Variants in DCBLD1 observed in about 807,000 individuals in gnomAD.
DCBLD1 encodes discoidin, CUB and LCCL domain containing 1.
A neutral mutation model predicts 71.5 loss-of-function variants in DCBLD1; 57 were observed. The ratio of observed to expected loss-of-function variants is 0.80; its 90% CI spans 0.64 to 0.99. The LOEUF is 0.99. DCBLD1 is among the 50% of genes least tolerant of loss of function. The probability of loss-of-function intolerance (pLI) is 0.00; values close to 1 mark genes in which losing one functional copy is unlikely to be tolerated. For synonymous variants in DCBLD1, 380 were observed against 363.8 expected, an observed-to-expected ratio of 1.04 and a Z score of -0.51; for missense variants, 891 against 923.5, an observed-to-expected ratio of 0.96 and a Z score of 0.46.
At chr6:117,563,988 T>A (rs1779642607) in intron 14 of DCBLD1, among the ~76,000 whole-genome samples, 1 of 151,482 alleles carries the variant, frequency 6.6e-6, no homozygotes, top group Non-Finnish European at 1.5e-5. Flanking sequence ...TTTTTCTTTT[T>A]TTTTTCTGAG....
At chr6:117,494,689 TAAC>T (rs1179691112) in intron 1 of DCBLD1, 1 of 152,146 alleles carries the variant, frequency 6.6e-6, no homozygotes, top group Non-Finnish European at 1.5e-5. Context: ...TGTAACTTAA[TAAC>T]AACAGTGAGA....
At position 117,549,621 on chromosome 6, in the gene DCBLD1, A is replaced by G. The variant is rs1013264865; in HGVS notation, c.*1182A>G. ...AATTTTTTTCCCTGAAGAATGTATT[A>G]TAACCCTATTTGTGTGGTTATTACA... On this transcript the variant is annotated 3_prime_UTR_variant, in exon 15 of 15. Transcript: ENST00000338728. 1.0e-6 allele frequency: 1 copy of G among 985,294 alleles called. No individual in the cohort carries two copies. Among genetic ancestry groups the G allele is most frequent in the Non-Finnish European group, 1.2e-6 (1 of 829,942 alleles). 61.0% of individuals were successfully genotyped at this position (985,294 alleles called of 1,614,324 possible).
intron 14 of DCBLD1, among the ~76,000 whole-genome samples, chr6:117,567,673 T>C (rs1427275117): frequency 1.3e-5 from 2 of 152,030 alleles, no homozygotes; most frequent in Non-Finnish European, 2.9e-5. Flanking sequence ...ATATTTACTA[T>C]AAATTATAGC....
intron 1 of DCBLD1, among the ~76,000 whole-genome samples, chr6:117,499,311 G>A (rs369371508): frequency 9.9e-5 from 15 of 151,486 alleles, no homozygotes; most frequent in African/African-American, 2.4e-4. Context: ...GGAGGCTGAC[G>A]TGGGAAGATT....
At chr6:117,506,460 T>G (rs1428553945) in intron 2 of DCBLD1, among the ~76,000 whole-genome samples, 1 of 152,248 alleles carries the variant, frequency 6.6e-6, no homozygotes, top group African/African-American at 2.4e-5. Context: ...TATTTTTGAT[T>G]GAGGATGTGC....
chr6:117,531,726 T>G (rs1778726564), intron 5 of DCBLD1, among the ~76,000 whole-genome samples: 1 of 152,232 alleles, frequency 6.6e-6, no homozygotes, highest in Non-Finnish European at 1.5e-5. Flanking sequence ...TTTGGTACCT[T>G]GATAAATCTC....
At chr6:117,515,037 T>TTTA (rs1778146371) in intron 2 of DCBLD1, among the ~76,000 whole-genome samples, 1 of 150,582 alleles carries the variant, frequency 6.6e-6, no homozygotes, top group Non-Finnish European at 1.5e-5. Context: ...TTTTTTTTTT[T>TTTA]GAGACGGAGT....
chr6:117,534,791 A>G (rs1297690078), intron 6 of DCBLD1, among the ~76,000 whole-genome samples: 1 of 151,036 alleles, frequency 6.6e-6, no homozygotes, highest in African/African-American at 2.4e-5. Context: ...ATTTTATATA[A>G]TTTGACGTTA....
chr6:117,511,592 G>A (rs571473842), intron 2 of DCBLD1, among the ~76,000 whole-genome samples: 6 of 152,186 alleles, frequency 3.9e-5, no homozygotes, highest in African/African-American at 1.4e-4. Flanking sequence ...GAAATAATGC[G>A]AAGTGGTTAG....
At chr6:117,545,347 C>A in intron 13 of DCBLD1, 131 bp from the exon 14 acceptor site, 1 of 1,239,252 alleles carries the variant, frequency 8.1e-7, no homozygotes, top group Non-Finnish European at 1.1e-6. Context: ...AGCACACACA[C>A]CTGAGGAGGA....
chr6:117,523,025 A>T (rs1025068288), intron 4 of DCBLD1, among the ~76,000 whole-genome samples: 1 of 152,252 alleles, frequency 6.6e-6, no homozygotes, highest in Non-Finnish European at 1.5e-5. Flanking sequence ...GGGAAAAATG[A>T]AAATGAGTGA....
chr6:117,499,757 T>A (rs1430516264), intron 1 of DCBLD1, among the ~76,000 whole-genome samples: 1 of 152,212 alleles, frequency 6.6e-6, no homozygotes, highest in Non-Finnish European at 1.5e-5. Context: ...TTTGTCTTCT[T>A]TGTCAGTGAT....
chr6:117,482,926 C>T, intron 1 of DCBLD1, 33 bp downstream of exon 1: 20 of 1,171,938 alleles, frequency 1.7e-5, no homozygotes, highest in Non-Finnish European at 2.1e-5. Flanking sequence ...GCGGCGGGAC[C>T]CGAGGCGCCA....
At chr6:117,524,801 TTTAC>T (rs1271494238) in intron 4 of DCBLD1, among the ~76,000 whole-genome samples, 1 of 152,200 alleles carries the variant, frequency 6.6e-6, no homozygotes, top group Non-Finnish European at 1.5e-5. Context: ...CATATTTCTT[TTTAC>T]TTTTTAAAAA....
At chr6:117,519,688 G>A in intron 2 of DCBLD1, 128 bp from the exon 3 acceptor site, 1 of 1,234,038 alleles carries the variant, frequency 8.1e-7, no homozygotes, top group Non-Finnish European at 1.1e-6. Context: ...AATTTCAGTT[G>A]GTAAAGATTA....
chr6:117,548,230 G>A lies in DCBLD1; in HGVS notation c.1939G>A (p.Ala647Thr), dbSNP rs771490256. 31 of 1,550,450 alleles carry A rather than the reference G, an allele frequency of 2.0e-5. 1 individual carries two copies. The South Asian group carries it at 3.2e-4, about 16-fold the overall frequency. The stretch of plus-strand genomic sequence containing the variant: ...CTTCTCCCCCGTAGCGGGTGTGGGC[G>A]CCCAGGACGGAGACTATCAAAGGCC... The part of the protein sequence containing the change: ...GGFSPVAGVG[A>T]QDGDYQRPHS... Residue 647 changes from alanine (A) to threonine (T), a missense_variant, in exon 15 of 15, where the codon GCC (alanine) becomes ACC (threonine). Transcript: ENST00000338728.
chr6:117,547,881 A>G, intron 14 of DCBLD1, 26 bp from the exon 15 acceptor site: 2 of 1,550,326 alleles, frequency 1.3e-6, no homozygotes, highest in Non-Finnish European at 1.7e-6. Flanking sequence ...GGTGCCCGCT[A>G]GCTGCCATCT....
chr6:117,490,612 T>C (rs1777258816), intron 1 of DCBLD1, among the ~76,000 whole-genome samples: 1 of 152,054 alleles, frequency 6.6e-6, no homozygotes, highest in African/African-American at 2.4e-5. Flanking sequence ...GTGTATTTTT[T>C]TAATCCTTCT....
At chr6:117,559,550 TTCA>T (rs1365226503) in intron 14 of DCBLD1, among the ~76,000 whole-genome samples, 1 of 152,192 alleles carries the variant, frequency 6.6e-6, no homozygotes, top group Non-Finnish European at 1.5e-5. Context: ...CAGCTGGACC[TTCA>T]GTAAGCTATG....
Sources: gnomAD v4.1 joint callset for allele counts (sites outside exome capture counted in the v4.1 genomes callset) on GRCh38, gnomAD v4.1.1 for gene constraint, MANE v1.5 for transcripts, NCBI Gene and HGNC (gene_info 2026-07-23, HGNC 2026-07-21) for gene names.